The following HS6ST3 variants were observed in gnomAD, a reference collection of about 807,000 sequenced individuals.
The protein encoded by HS6ST3 is heparan-sulfate 6-O-sulfotransferase 3.
Under a neutral mutation model 36.7 loss-of-function variants are expected in HS6ST3, and 12 were observed. The observed-to-expected ratio is 0.33, with a 90% CI of 0.21 to 0.53. The LOEUF is 0.53. Ranked by LOEUF, HS6ST3 falls within the 20% of genes least tolerant of loss-of-function variation. The pLI, the probability that HS6ST3 is intolerant of heterozygous loss-of-function variation, is 0.95. For synonymous variants in HS6ST3, 240 were observed against 257.5 expected, an observed-to-expected ratio of 0.93 and a Z score of 0.65; for missense variants, 584 against 640.9, an observed-to-expected ratio of 0.91 and a Z score of 0.96.
intron 1 of HS6ST3, among the ~76,000 whole-genome samples, chr13:96,246,766 C>T (rs921491238): frequency 2.0e-5 from 3 of 152,028 alleles, no homozygotes; most frequent in Admixed American, 6.6e-5. Flanking sequence ...TAGAGAAGAT[C>T]GGATTGCATA....
intron 1 of HS6ST3, among the ~76,000 whole-genome samples, chr13:96,115,933 C>T (rs185948550): frequency 2.0e-5 from 3 of 152,292 alleles, no homozygotes; most frequent in Admixed American, 6.5e-5. Context: ...TTAATAATCA[C>T]CATTCTCTGA....
chr13:96,662,464 T>G (rs1221960160), intron 1 of HS6ST3, among the ~76,000 whole-genome samples: 1 of 152,082 alleles, frequency 6.6e-6, no homozygotes, highest in African/African-American at 2.4e-5. Flanking sequence ...CTGTTTGATA[T>G]TTTTTTAATC....
chr13:96,251,276 A>G (rs1412577532), intron 1 of HS6ST3, among the ~76,000 whole-genome samples: 1 of 151,946 alleles, frequency 6.6e-6, no homozygotes, highest in African/African-American at 2.4e-5. Context: ...CTTCTTATTG[A>G]TCTATTCAGA....
At chr13:96,442,534 TCAGTTATG>T (rs1440099866) in intron 1 of HS6ST3, among the ~76,000 whole-genome samples, 1 of 152,164 alleles carries the variant, frequency 6.6e-6, no homozygotes, top group East Asian at 1.9e-4. Flanking sequence ...AAAGTCATTT[TCAGTTATG>T]CACTCTTTCT....
intron 1 of HS6ST3, among the ~76,000 whole-genome samples, chr13:96,239,099 C>T (rs1486272742): frequency 6.6e-6 from 1 of 152,128 alleles, no homozygotes; most frequent in Non-Finnish European, 1.5e-5. Context: ...AGACCTTATC[C>T]TTACAAAATC....
chr13:96,600,318 C>G (rs1335395362), intron 1 of HS6ST3, among the ~76,000 whole-genome samples: 2 of 131,206 alleles, frequency 1.5e-5, no homozygotes, highest in South Asian at 2.5e-4. Context: ...TTTGGGAGCT[C>G]TGGAGTTAGG....
chr13:96,100,739 A>T (rs1175767034), intron 1 of HS6ST3, among the ~76,000 whole-genome samples: 1 of 152,172 alleles, frequency 6.6e-6, no homozygotes, highest in Admixed American at 6.5e-5. Context: ...AGGGCAAGAG[A>T]GCTGATGCAT....
intron 1 of HS6ST3, among the ~76,000 whole-genome samples, chr13:96,108,346 T>A (rs914425934): frequency 3.3e-5 from 5 of 152,192 alleles, no homozygotes; most frequent in African/African-American, 1.2e-4. Flanking sequence ...TTGAACTCTG[T>A]TAAGATGTTT....
At chr13:96,415,872 G>A (rs1188712499) in intron 1 of HS6ST3, among the ~76,000 whole-genome samples, 2 of 152,154 alleles carry the variant, frequency 1.3e-5, no homozygotes, top group East Asian at 1.9e-4. Context: ...TCTTGTGTTT[G>A]GGATCTGTAA....
chr13:96,833,001 C>A lies in HS6ST3; in HGVS notation c.1219C>A (p.Leu407Ile), dbSNP rs774172996. Residue 407 changes from leucine to isoleucine, a missense_variant, in exon 2 of 2, where the codon CTT becomes ATT. By Grantham distance (5) the Leu-to-Ile change is conservative. Transcript: ENST00000376705. ...IEDLNFLDMQ[L>I]YEYAKDLFQQ... ...GGATCTAAACTTCCTGGACATGCAG[C>A]TTTACGAGTATGCAAAAGATCTCTT... The A allele has an allele frequency of 1.9e-6, 3 of 1,613,968 alleles. No individual in the cohort carries two copies. The African/African-American group carries it at 4.0e-5, about 22-fold the overall frequency.
At position 96,621,472 on chromosome 13, in the gene HS6ST3, C is replaced by A. The variant is rs1219393333; in HGVS notation, c.708-211018C>A. Reference sequence around the variant, plus strand: ...GCCATGATTGTAAGTTTCCTGAGGCCTCCCAGCCATGTGGAACTGTGAGTC... The same window carrying A: ...GCCATGATTGTAAGTTTCCTGAGGCATCCCAGCCATGTGGAACTGTGAGTC... On this transcript the variant is annotated intron_variant, in intron 1 of 1. Coordinates refer to ENST00000376705, the MANE Select transcript of HS6ST3 (RefSeq NM_153456.4). Among the ~76,000 whole-genome samples the A allele has an allele frequency of 2.6e-5, 4 of 152,134 alleles. No individual in the cohort carries two copies. In the East Asian group the frequency reaches 7.7e-4, roughly 29 times the overall value.
chr13:96,484,485 A>T (rs897074397), intron 1 of HS6ST3, among the ~76,000 whole-genome samples: 1 of 152,176 alleles, frequency 6.6e-6, no homozygotes, highest in African/African-American at 2.4e-5. Context: ...GAAACTTTGT[A>T]TCCTTTGACC....
At chr13:96,552,492 T>C (rs1250343212) in intron 1 of HS6ST3, among the ~76,000 whole-genome samples, 1 of 152,168 alleles carries the variant, frequency 6.6e-6, no homozygotes, top group Non-Finnish European at 1.5e-5. Flanking sequence ...GGTCAGAGGT[T>C]AAGGGTTCAG....
At chr13:96,387,663 T>C (rs2055375091) in intron 1 of HS6ST3, among the ~76,000 whole-genome samples, 1 of 152,158 alleles carries the variant, frequency 6.6e-6, no homozygotes, top group Admixed American at 6.5e-5. Context: ...GGAAAATGTG[T>C]TTACAGTCAT....
At chr13:96,603,448 AC>A (rs2056428546) in intron 1 of HS6ST3, among the ~76,000 whole-genome samples, 1 of 152,236 alleles carries the variant, frequency 6.6e-6, no homozygotes, top group Admixed American at 6.5e-5. Flanking sequence ...TTGTATAAAT[AC>A]ATCACAATGT....
intron 1 of HS6ST3, among the ~76,000 whole-genome samples, chr13:96,137,037 T>A (rs2054005808): frequency 6.6e-6 from 1 of 152,282 alleles, no homozygotes; most frequent in Admixed American, 6.5e-5. Context: ...TAATGAAATA[T>A]AACTAATATA....
chr13:96,533,687 C>T (rs1299560301), intron 1 of HS6ST3, among the ~76,000 whole-genome samples: 1 of 152,152 alleles, frequency 6.6e-6, no homozygotes, highest in Non-Finnish European at 1.5e-5. Flanking sequence ...CCGCGGAAGC[C>T]ATCAAACATG....
Position 96,193,042 on chromosome 13 carries a change from C to G in HS6ST3, c.707+101473C>G, listed in dbSNP as rs79091831. ...TCGGCAAATTGCAGAGCTGCCAAGT[C>G]CATGACTTCCTTGATGCTAGTCCTG... On this transcript the variant is annotated intron_variant, in intron 1 of 1. Transcript: ENST00000376705. Among the ~76,000 whole-genome samples the G allele has an allele frequency of 1.4e-3, 213 of 152,264 alleles. 2 individuals carry two copies. The East Asian group carries it at 0.036, about 26-fold the overall frequency.
At position 96,587,199 on chromosome 13, in the gene HS6ST3, A is replaced by G. The variant is rs188540748; in HGVS notation, c.708-245291A>G. 1.9e-3 allele frequency among the ~76,000 whole-genome samples: 295 copies of G among 151,860 alleles called. 1 individual carries two copies. Among genetic ancestry groups the G allele is most frequent in the African/African-American group, 6.7e-3 (279 of 41,442 alleles). ...GCCGTTTTTGTTCTTGTAGCTTTGT[A>G]GTATATTTTCAAGTCAGGTATTAAG... On this transcript the variant is annotated intron_variant, in intron 1 of 1. Transcript: ENST00000376705.
Sources: gnomAD v4.1 joint callset for allele counts (sites outside exome capture counted in the v4.1 genomes callset) on GRCh38, gnomAD v4.1.1 for gene constraint, MANE v1.5 for transcripts, NCBI Gene and HGNC (gene_info 2026-07-23, HGNC 2026-07-21) for gene names.